Variants in TMEM209 observed in about 807,000 individuals in gnomAD.
TMEM209 encodes the protein transmembrane protein 209.
A neutral mutation model predicts 76.2 loss-of-function variants in TMEM209; 65 were observed. The observed-to-expected ratio is 0.85, with a 90% CI of 0.70 to 1.05. The LOEUF (loss-of-function observed/expected upper bound fraction) is 1.05, where lower values mean the gene tolerates loss of function less well. Ranked by LOEUF, TMEM209 falls within the 50% of genes least tolerant of loss-of-function variation. TMEM209 has a pLI of 0.00. For synonymous variants in TMEM209, 239 were observed against 237.6 expected (o/e 1.01, Z -0.06); for missense variants, 623 against 685.5 (o/e 0.91, Z 1.02).
chr7:130,192,978 C>T (rs1054638669), intron 5 of TMEM209, among the ~76,000 whole-genome samples, 155 bp from the exon 6 acceptor site: 3 of 152,202 alleles, frequency 2.0e-5, no homozygotes, highest in South Asian at 2.1e-4. Flanking sequence ...CAGAATCTCT[C>T]ATTCTTTGCT....
chr7:130,172,843 C>CA (rs1440774739), intron 13 of TMEM209, among the ~76,000 whole-genome samples: 1 of 150,834 alleles, frequency 6.6e-6, no homozygotes, highest in Non-Finnish European at 1.5e-5. Context: ...TACTAAAATA[C>CA]AAAAAAATAG....
In TMEM209 at chr7:130,166,094, G is replaced by C. The variant is rs960767061; in HGVS notation, c.*357C>G. 1.2e-5 allele frequency: 2 copies of C among 161,644 alleles called. No individual in the cohort carries two copies. Among genetic ancestry groups the C allele is most frequent in the Non-Finnish European group, 2.7e-5 (2 of 75,142 alleles). 10.0% of individuals were successfully genotyped at this position (161,644 alleles called of 1,614,324 possible). Reference sequence around the variant, plus strand: ...TGAAAAAAATTTTTTTTTGGTACAAGAATCAGGTAGATGATTCTCATTTGG... The same window carrying C: ...TGAAAAAAATTTTTTTTTGGTACAACAATCAGGTAGATGATTCTCATTTGG... On this transcript the variant is annotated 3_prime_UTR_variant, in exon 15 of 15. Coordinates refer to ENST00000397622, the MANE Select transcript of TMEM209 (RefSeq NM_032842.4).
At chr7:130,191,407 A>G (rs1228193277) in intron 6 of TMEM209, among the ~76,000 whole-genome samples, 3 of 152,118 alleles carry the variant, frequency 2.0e-5, no homozygotes, top group Admixed American at 6.6e-5. Context: ...TAAAGCAGAT[A>G]AAAATTAGTA....
In TMEM209 at chr7:130,203,759, G is replaced by A. The variant is rs1483223813; in HGVS notation, c.199+29C>T. ...TGAAGGCAGTTTTTTATTGGTAAAT[G>A]TAAGTTACAGTGAAAATTACTTACT... On this transcript the variant is annotated intron_variant, in intron 3 of 14. Transcript: ENST00000397622. 5 of 1,565,978 alleles carry A rather than the reference G, an allele frequency of 3.2e-6. No homozygotes were observed. In the South Asian group the frequency reaches 3.5e-5, roughly 11 times the overall value.
At chr7:130,184,103 G>T in intron 8 of TMEM209, 81 bp downstream of exon 8, 1 of 929,718 alleles carries the variant, frequency 1.1e-6, no homozygotes, top group South Asian at 1.7e-5. Context: ...AATTTATAAT[G>T]AACTCTAAAT....
At chr7:130,176,206 G>A (rs1404500540) in intron 10 of TMEM209, among the ~76,000 whole-genome samples, 2 of 149,618 alleles carry the variant, frequency 1.3e-5, no homozygotes, top group Non-Finnish European at 3.0e-5. Flanking sequence ...TCCGCCTCCC[G>A]GGTTCCCACC....
Position 130,178,444 on chromosome 7 carries a change from C to A in TMEM209, c.1204G>T (p.Asp402Tyr). ...AAGTATTCCTGATTTGGAGTAAGGT[C>A]TAGATACTGAACGATTGTGTTCAAA... ...PTLNTIVQYL[D>Y]LTPNQEYLFE... The change falls in exon 10 of 15, where the codon GAC becomes TAC. Residue 402 changes from aspartate to tyrosine, a missense_variant. Physicochemically the swap from Asp to Tyr is radical, Grantham distance 160. Transcript: ENST00000397622. 1.2e-6 allele frequency: 2 copies of A among 1,613,580 alleles called. No homozygotes were observed. Among genetic ancestry groups the A allele is most frequent in the South Asian group, 2.2e-5 (2 of 91,000 alleles).
intron 13 of TMEM209, among the ~76,000 whole-genome samples, chr7:130,172,985 T>G (rs1304147276): frequency 1.8e-5 from 2 of 108,182 alleles, no homozygotes; most frequent in African/African-American, 3.7e-5. Context: ...GGTAACAGAG[T>G]GAGACTCTAT....
In TMEM209 at chr7:130,188,992, T is replaced by C. The variant is rs576136342; in HGVS notation, c.776-3625A>G. Among the ~76,000 whole-genome samples, 12 of 151,508 alleles carry C rather than the reference T, an allele frequency of 7.9e-5. No homozygotes were observed. In the South Asian group the frequency reaches 2.1e-3, roughly 26 times the overall value. On this transcript the variant is annotated intron_variant, in intron 6 of 14. Transcript: ENST00000397622. ...TCATAAAAGAAAACAAAACAAAAAA[T>C]CCCACAAAACCCACACTATCCAAAT...
At chr7:130,204,185 C>CTT (rs979629561) in intron 1 of TMEM209, 75 bp from the exon 2 acceptor site, 15 of 1,481,216 alleles carry the variant, frequency 1.0e-5, no homozygotes, top group Non-Finnish European at 1.3e-5. Flanking sequence ...TTTTGCATCC[C>CTT]TTATAAAGGT....
At chr7:130,202,221 G>T in intron 4 of TMEM209, 130 bp from the exon 5 acceptor site, 2 of 1,244,738 alleles carry the variant, frequency 1.6e-6, no homozygotes, top group Non-Finnish European at 2.2e-6. Context: ...TTAAATCACA[G>T]AATGTATTAT....
At position 130,192,842 on chromosome 7, in the gene TMEM209, C is replaced by G; in HGVS notation, c.574-19G>C. On this transcript the variant is annotated intron_variant, in intron 5 of 14. Transcript: ENST00000397622. ...TCGCCAACTATACAAAATAAAAGAT[C>G]TTTACTTTATTTTTCTTTAATTGAA... The G allele has an allele frequency of 1.2e-6, 2 of 1,601,844 alleles. No homozygotes were observed. Among genetic ancestry groups the G allele is most frequent in the Non-Finnish European group, 1.7e-6 (2 of 1,172,046 alleles).
In TMEM209 at chr7:130,164,903, A is replaced by G. The variant is rs1796837856; in HGVS notation, c.*1548T>C. On this transcript the variant is annotated 3_prime_UTR_variant, in exon 15 of 15. Transcript: ENST00000397622. Reference sequence around the variant, plus strand: ...ATCATAGCAAATAAATATTCAACATACACCAAAAGTACTTAAAAGAAGCTC... The same window carrying G: ...ATCATAGCAAATAAATATTCAACATGCACCAAAAGTACTTAAAAGAAGCTC... 1.3e-5 allele frequency: 2 copies of G among 152,230 alleles called. No individual in the cohort carries two copies. Among genetic ancestry groups the G allele is most frequent in the African/African-American group, 4.8e-5 (2 of 41,470 alleles). 9.4% of individuals were successfully genotyped at this position (152,230 alleles called of 1,614,324 possible).
At chr7:130,205,339 G>A (rs769060832) in intron 1 of TMEM209, 34 bp downstream of exon 1, 1 of 1,613,872 alleles carries the variant, frequency 6.2e-7, no homozygotes, top group Non-Finnish European at 8.5e-7. Flanking sequence ...TAGATTCCAA[G>A]ACAGGAAGCA....
intron 13 of TMEM209, among the ~76,000 whole-genome samples, chr7:130,172,998 C>CAAAA (rs67876495): frequency 8.1e-5 from 7 of 86,658 alleles, no homozygotes; most frequent in Non-Finnish European, 1.0e-4. Context: ...GACTCTATCT[C>CAAAA]AAAAAAAAAA....
intron 14 of TMEM209, among the ~76,000 whole-genome samples, chr7:130,167,782 T>A (rs1796927595): frequency 6.6e-6 from 1 of 152,188 alleles, no homozygotes; most frequent in African/African-American, 2.4e-5. Flanking sequence ...TGGATCAATC[T>A]GTGGGTTTAT....
In TMEM209 at chr7:130,166,481, A is replaced by C. The variant is rs1223965329; in HGVS notation, c.1656T>G (p.Gly552=). 1 of 1,543,738 alleles carries C rather than the reference A, an allele frequency of 6.5e-7. No homozygotes were observed. The highest frequency in any genetic ancestry group is 8.7e-7 in the Non-Finnish European group (1 of 1,144,254). Reference sequence around the variant, plus strand: ...CGCCAAAGATCCACAATATATTCACACCAGATAGACCAAGATTAACTCTCC... The same window carrying C: ...CGCCAAAGATCCACAATATATTCACCCCAGATAGACCAAGATTAACTCTCC... ...MLGRVNLGLS[G]VNILWIFGE Residue 552 remains glycine (G), a synonymous_variant, in exon 15 of 15, where the codon GGT becomes GGG. Coordinates refer to ENST00000397622, the MANE Select transcript of TMEM209 (RefSeq NM_032842.4).
chr7:130,185,318 A>G lies in TMEM209; in HGVS notation c.825T>C (p.Tyr275=), dbSNP rs934385139. ...SPSSSPTFWN[Y]SRSMGDYAQT... ...GTGCATAATCCCCCATAGAACGACTATAGTTCCAGAAAGTAGGACTGCTGG... is the reference window on the plus strand; with the variant it reads ...GTGCATAATCCCCCATAGAACGACTGTAGTTCCAGAAAGTAGGACTGCTGG... Residue 275 remains tyrosine (Y), a synonymous_variant, in exon 7 of 15, where the codon TAT becomes TAC. Transcript: ENST00000397622. 3.1e-6 allele frequency: 5 copies of G among 1,613,868 alleles called. No homozygotes were observed. The African/African-American group carries it at 4.0e-5, about 13-fold the overall frequency.
Position 130,192,613 on chromosome 7 carries a change from T to C in TMEM209, c.775+9A>G, listed in dbSNP as rs1314080646. 2.5e-6 allele frequency: 4 copies of C among 1,611,872 alleles called. No individual in the cohort carries two copies. The highest frequency in any genetic ancestry group is 1.7e-5 in the Admixed American group (1 of 59,974). The stretch of plus-strand genomic sequence containing the variant: ...TATGTATAGTAGATATACAGAAATA[T>C]ATATGTACCCAGCTTAACCCTATGC... On this transcript the variant is annotated intron_variant, in intron 6 of 14. Transcript: ENST00000397622.
Sources: gnomAD v4.1 joint callset for allele counts (sites outside exome capture counted in the v4.1 genomes callset) on GRCh38, gnomAD v4.1.1 for gene constraint, MANE v1.5 for transcripts, NCBI Gene and HGNC (gene_info 2026-07-23, HGNC 2026-07-21) for gene names.